Variants in GRHL1 observed in about 807,000 individuals in gnomAD.
GRHL1 encodes grainyhead-like protein 1 homolog.
Under a neutral mutation model 75.7 loss-of-function variants are expected in GRHL1, and 38 were observed. The observed-to-expected ratio is 0.50, with a 90% CI of 0.39 to 0.66. GRHL1 has a LOEUF of 0.66. Ranked by LOEUF, GRHL1 falls within the 30% of genes least tolerant of loss-of-function variation. The pLI is 0.00. For missense variants in GRHL1, 589 were observed against 767.5 expected, an observed-to-expected ratio of 0.77 and a Z score of 2.75; for synonymous variants, 266 against 279.4, an observed-to-expected ratio of 0.95 and a Z score of 0.48.
chr2:9,973,302 A>G (rs1235258299), intron 8 of GRHL1, among the ~76,000 whole-genome samples: 1 of 152,154 alleles, frequency 6.6e-6, no homozygotes, highest in Non-Finnish European at 1.5e-5. Context: ...CTCAGTCCCC[A>G]GTACCTTCTT....
chr2:9,997,050 G>C lies in GRHL1; in HGVS notation c.1677+649G>C, dbSNP rs145369093. ...GATATTTACCAGCCTGTCTCCTAGA[G>C]ACCGTAGAGATCTTTAAGCTCAAAG... On this transcript the variant is annotated intron_variant, in intron 14 of 15. Transcript: ENST00000324907. Among the ~76,000 whole-genome samples the C allele has an allele frequency of 9.1e-4, 138 of 152,338 alleles. 1 individual carries two copies. Among genetic ancestry groups the C allele is most frequent in the African/African-American group, 3.2e-3 (134 of 41,578 alleles).
chr2:9,998,699 TATATATACATATATATGTACACAC>T lies in GRHL1; in HGVS notation c.1678-257_1678-234del, dbSNP rs1558320839. ...ATATATACATATATATGTACACACA[TATATATACATATATATGTACACAC>T]ATATATACGTATATATGTACACACA... On this transcript the variant is annotated intron_variant, in intron 14 of 15. Coordinates refer to ENST00000324907, the MANE Select transcript of GRHL1 (RefSeq NM_198182.3). Among the ~76,000 whole-genome samples, 59 of 58,188 alleles carry T rather than the reference TATATATACATATATATGTACACAC, an allele frequency of 1.0e-3. 4 individuals carry two copies. The highest frequency in any genetic ancestry group is 1.4e-3 in the Non-Finnish European group (46 of 33,394). 38.2% of individuals were successfully genotyped at this position (58,188 alleles called of 152,430 possible). A position where few individuals can be genotyped will look rare whatever the true frequency, so the allele number is the denominator to read the frequency against.
chr2:9,961,471 C>G (rs771743850), intron 4 of GRHL1, 35 bp downstream of exon 4: 2 of 1,558,744 alleles, frequency 1.3e-6, no homozygotes, highest in Non-Finnish European at 1.7e-6. Context: ...AAGACGCCTG[C>G]GTGTTTGTAT....
rs2125237553 is a variant in GRHL1 at position 9,987,537 on chromosome 2, G to A, written c.1269+1255G>A. On this transcript the variant is annotated intron_variant, in intron 9 of 15. Coordinates refer to ENST00000324907, the MANE Select transcript of GRHL1 (RefSeq NM_198182.3). The surrounding 1 kb of genome is among the most constrained non-coding windows in gnomAD (Gnocchi z 4.2). The stretch of plus-strand genomic sequence containing the variant: ...GCCTTCACAGCCCTCTTCCCCAAAG[G>A]CCCTTCAATAAGCATGGGGAAGGAG... Among the ~76,000 whole-genome samples the A allele has an allele frequency of 6.6e-6, 1 of 152,276 alleles. No individual in the cohort carries two copies.
chr2:9,997,696 G>A (rs913431589), intron 14 of GRHL1, among the ~76,000 whole-genome samples: 1 of 151,684 alleles, frequency 6.6e-6, no homozygotes, highest in Admixed American at 6.6e-5. Context: ...GGTGGCAGGC[G>A]CCTGTAATCC....
intron 8 of GRHL1, among the ~76,000 whole-genome samples, chr2:9,972,807 T>C (rs1345255671): frequency 6.6e-6 from 1 of 152,202 alleles, no homozygotes; most frequent in Non-Finnish European, 1.5e-5. Context: ...GTCCTTAGGT[T>C]CACCAGCTCC....
Position 9,963,656 on chromosome 2 carries a change from C to T in GRHL1, c.747-230C>T, listed in dbSNP as rs190772922. On this transcript the variant is annotated intron_variant, in intron 5 of 15. Coordinates refer to ENST00000324907, the MANE Select transcript of GRHL1 (RefSeq NM_198182.3). The stretch of plus-strand genomic sequence containing the variant: ...CCACCTATCAGTATCTTTAATATCT[C>T]GAGCCCTCAAACTCAGGATGTCCGA... Among the ~76,000 whole-genome samples the T allele has an allele frequency of 1.9e-4, 29 of 152,252 alleles. No homozygotes were observed. In the East Asian group the frequency reaches 3.7e-3, roughly 19 times the overall value.
chr2:9,985,065 C>CA (rs3032357), intron 8 of GRHL1, among the ~76,000 whole-genome samples: 2,190 of 122,484 alleles, frequency 0.018, 19 homozygotes, highest in Middle Eastern at 0.044. Context: ...CAGACTGTCT[C>CA]AAAAAAAAAA....
At chr2:9,965,520 T>C in intron 8 of GRHL1, 139 bp downstream of exon 8, 2 of 599,336 alleles carry the variant, frequency 3.3e-6, no homozygotes, top group South Asian at 2.1e-5. Context: ...CCTCTTCCCT[T>C]TTTATTCTCC....
chr2:9,978,341 GGGTGTATCCGTT>G (rs1382391272), intron 8 of GRHL1, among the ~76,000 whole-genome samples: 1 of 152,228 alleles, frequency 6.6e-6, no homozygotes, highest in African/African-American at 2.4e-5. Flanking sequence ...TGATGAGAAA[GGGTGTATCCGTT>G]GGTGCTGGAT....
chr2:9,957,989 T>C (rs1427689874), intron 2 of GRHL1, among the ~76,000 whole-genome samples: 2 of 152,126 alleles, frequency 1.3e-5, no homozygotes, highest in Non-Finnish European at 2.9e-5. Flanking sequence ...AAGCCCTCAT[T>C]TGGATCTTAG....
At chr2:9,962,308 G>T (rs1405078058) in intron 4 of GRHL1, 147 bp from the exon 5 acceptor site, 1 of 615,124 alleles carries the variant, frequency 1.6e-6, no homozygotes, top group African/African-American at 1.9e-5. Context: ...TTAAGTATTT[G>T]TAGAATCAAA....
intron 13 of GRHL1, 144 bp from the exon 14 acceptor site, chr2:9,996,172 A>C (rs1313049683): frequency 5.6e-6 from 4 of 710,252 alleles, no homozygotes; most frequent in Non-Finnish European, 1.0e-5. Flanking sequence ...CAGAATTGAT[A>C]TTGGCTGATG....
Position 9,990,776 on chromosome 2 carries a change from G to A in GRHL1, c.1321+29G>A. On this transcript the variant is annotated intron_variant, in intron 10 of 15. Coordinates refer to ENST00000324907, the MANE Select transcript of GRHL1 (RefSeq NM_198182.3). The surrounding 1 kb of genome is among the most constrained non-coding windows in gnomAD (Gnocchi z 4.2). Reference sequence around the variant, plus strand: ...AGTGTCCTGACCCCAGCTCCCAGGTGAATGCCTGTAAGTAGAAATGTTCCC... The same window carrying A: ...AGTGTCCTGACCCCAGCTCCCAGGTAAATGCCTGTAAGTAGAAATGTTCCC... The A allele has an allele frequency of 6.3e-7, 1 of 1,582,558 alleles. No homozygotes were observed. The highest frequency in any genetic ancestry group is 8.6e-7 in the Non-Finnish European group (1 of 1,156,266).
At position 10,001,793 on chromosome 2, in the gene GRHL1, G is replaced by C. The variant is rs184652593; in HGVS notation, c.*1086G>C. ...ACACTGTAATTACAGCACACAGATT[G>C]CAAGTATTGCGTACCAAGTGATACA... is the stretch of plus-strand genomic sequence containing the variant. On this transcript the variant is annotated 3_prime_UTR_variant, in exon 16 of 16. Transcript: ENST00000324907. 103 of 152,382 alleles carry C rather than the reference G, an allele frequency of 6.8e-4. No homozygotes were observed. Among genetic ancestry groups the C allele is most frequent in the African/African-American group, 2.4e-3 (101 of 41,568 alleles). The allele number at this position is 152,382 out of a possible 1,614,324, so 9.4% of individuals were successfully genotyped here. A position where few individuals can be genotyped will look rare whatever the true frequency, so the allele number is the denominator to read the frequency against.
chr2:9,954,891 G>GTTT, intron 1 of GRHL1, 24 bp from the exon 2 acceptor site: 3 of 1,366,630 alleles, frequency 2.2e-6, no homozygotes, highest in African/African-American at 1.5e-5. Context: ...GTGTGTTTTT[G>GTTT]TTTTTTTTTT....
rs189960376 is a variant in GRHL1, at chr2:9,969,783, A to G, written c.1110+4402A>G. Among the ~76,000 whole-genome samples the G allele has an allele frequency of 2.4e-3, 358 of 151,762 alleles. 1 individual carries two copies. Among genetic ancestry groups the G allele is most frequent in the Non-Finnish European group, 4.3e-3 (295 of 67,974 alleles). On this transcript the variant is annotated intron_variant, in intron 8 of 15. Coordinates refer to ENST00000324907, the MANE Select transcript of GRHL1 (RefSeq NM_198182.3). ...GGGAAAACAGCTGCGGTCAAAGGAA[A>G]TTGCAGGATTTCTCTGATCATCTGT...
intron 15 of GRHL1, among the ~76,000 whole-genome samples, chr2:9,999,418 A>T (rs531821655): frequency 2.6e-5 from 4 of 152,266 alleles, no homozygotes; most frequent in Non-Finnish European, 5.9e-5. Flanking sequence ...GAGGATGGCC[A>T]GGGCAGCACC....
chr2:9,997,691 C>T (rs1356269756), intron 14 of GRHL1, among the ~76,000 whole-genome samples: 4 of 151,844 alleles, frequency 2.6e-5, no homozygotes, highest in Admixed American at 1.3e-4. Context: ...GGCTTGGTGG[C>T]AGGCGCCTGT....
Sources: gnomAD v4.1 joint callset for allele counts (sites outside exome capture counted in the v4.1 genomes callset) on GRCh38, gnomAD v4.1.1 for gene constraint, Gnocchi (gnomAD v3.1) non-coding constraint, MANE v1.5 for transcripts, NCBI Gene and HGNC (gene_info 2026-07-23, HGNC 2026-07-21) for gene names.